Variants in GALNT13 observed in about 807,000 individuals in gnomAD.
GALNT13 encodes the protein UDP-GalNAc:polypeptide N-acetylgalactosaminyltransferase 13.
In GALNT13, 28 loss-of-function variants were observed where a neutral mutation model predicts 64.2. That is an observed-to-expected ratio of 0.44 (90% confidence interval 0.32 to 0.60). GALNT13 has a LOEUF of 0.60. GALNT13 is among the 20% of genes least tolerant of loss of function. The pLI is 0.05. For synonymous variants in GALNT13, 214 were observed against 224.6 expected (o/e 0.95, Z 0.42); for missense variants, 577 against 669.8 (o/e 0.86, Z 1.53).
At chr2:154,317,565 A>G (rs1444162822) in intron 9 of GALNT13, among the ~76,000 whole-genome samples, 1 of 152,184 alleles carries the variant, frequency 6.6e-6, no homozygotes, top group Non-Finnish European at 1.5e-5. Context: ...ATTTTTTCTA[A>G]TAGACTATAT....
chr2:153,873,780 A>C (rs1686157452), intron 1 of GALNT13, among the ~76,000 whole-genome samples: 1 of 151,980 alleles, frequency 6.6e-6, no homozygotes, highest in Non-Finnish European at 1.5e-5. Context: ...TTTCAGCTTT[A>C]TGTGAAAGCT....
the GALNT13 span, among the ~76,000 whole-genome samples, chr2:153,659,306 C>CA: frequency 6.6e-6 from 1 of 151,814 alleles, no homozygotes; most frequent in African/African-American, 2.4e-5. Flanking sequence ...ATTGCATATC[C>CA]CCCCCATCCC....
At chr2:153,210,963 C>A in the GALNT13 span, among the ~76,000 whole-genome samples, 5 of 151,992 alleles carry the variant, frequency 3.3e-5, no homozygotes, top group Non-Finnish European at 7.4e-5. Context: ...ATATTTTGAA[C>A]CTATGCTGTA....
chr2:154,455,930 A>C (rs1317904708), downstream of GALNT13, among the ~76,000 whole-genome samples: 1 of 152,180 alleles, frequency 6.6e-6, no homozygotes, highest in Non-Finnish European at 1.5e-5. Context: ...AGGGAGAACA[A>C]ATCACTCAAT....
At chr2:154,169,618 A>T (rs540880177) in intron 4 of GALNT13, among the ~76,000 whole-genome samples, 1 of 152,254 alleles carries the variant, frequency 6.6e-6, no homozygotes, top group East Asian at 1.9e-4. Context: ...CAATCCTTGG[A>T]TACAGGCTGC....
the GALNT13 span, among the ~76,000 whole-genome samples, chr2:153,132,450 A>C: frequency 3.0e-3 from 463 of 152,344 alleles, 2 homozygotes; most frequent in African/African-American, 0.011. Flanking sequence ...CAGAAAAAGT[A>C]ATAGAGACTA....
At chr2:153,589,748 T>C in the GALNT13 span, among the ~76,000 whole-genome samples, 3 of 152,120 alleles carry the variant, frequency 2.0e-5, no homozygotes, top group Non-Finnish European at 4.4e-5. Flanking sequence ...AAGCATCACA[T>C]TTTGTGAGAC....
chr2:153,570,838 C>T, the GALNT13 span, among the ~76,000 whole-genome samples: 7 of 152,026 alleles, frequency 4.6e-5, no homozygotes. Context: ...ATGACAGTAT[C>T]ATGTTGTTTT....
chr2:154,122,402 A>G (rs1574543958), intron 3 of GALNT13, among the ~76,000 whole-genome samples: 1 of 151,780 alleles, frequency 6.6e-6, no homozygotes, highest in East Asian at 1.9e-4. Context: ...TTTTTGTACT[A>G]TTTTTTCTGG....
the GALNT13 span, among the ~76,000 whole-genome samples, chr2:153,326,069 C>G: frequency 6.6e-6 from 1 of 151,846 alleles, no homozygotes; most frequent in Non-Finnish European, 1.5e-5. Context: ...TTTCTGTCTC[C>G]TTGATCTGTC....
At chr2:153,335,401 A>G in the GALNT13 span, among the ~76,000 whole-genome samples, 1 of 152,190 alleles carries the variant, frequency 6.6e-6, no homozygotes, top group Admixed American at 6.5e-5. Context: ...CCAAAATTCT[A>G]TGGTGATATG....
the GALNT13 span, among the ~76,000 whole-genome samples, chr2:153,598,060 T>C: frequency 6.6e-6 from 1 of 152,086 alleles, no homozygotes; most frequent in African/African-American, 2.4e-5. Context: ...TTTATAAATA[T>C]GAAGTATAAA....
the GALNT13 span, among the ~76,000 whole-genome samples, chr2:153,643,583 C>T: frequency 6.6e-6 from 1 of 151,332 alleles, no homozygotes; most frequent in African/African-American, 2.4e-5. Flanking sequence ...AATTTCCATA[C>T]TATAAAAAAA....
chr2:153,478,571 G>A, the GALNT13 span: 1 of 1,556,244 alleles, frequency 6.4e-7, no homozygotes, highest in Non-Finnish European at 8.7e-7. Context: ...TTCATCGCAG[G>A]AACGGGCGGG....
the GALNT13 span, among the ~76,000 whole-genome samples, chr2:153,509,372 G>C: frequency 2.9e-3 from 448 of 152,334 alleles, 16 homozygotes; most frequent in East Asian, 0.081. Flanking sequence ...CGCAGACCTG[G>C]CGGAGCCTCC....
chr2:154,253,470 C>T (rs1302958396), intron 7 of GALNT13, among the ~76,000 whole-genome samples: 1 of 152,102 alleles, frequency 6.6e-6, no homozygotes, highest in Non-Finnish European at 1.5e-5. Flanking sequence ...TACTATTTTA[C>T]ATAGTTACAA....
chr2:154,142,608 TC>T, intron 4 of GALNT13, among the ~76,000 whole-genome samples: 1 of 150,958 alleles, frequency 6.6e-6, no homozygotes, highest in African/African-American at 2.4e-5. Flanking sequence ...CTGTTGAGAT[TC>T]CAGGGCTTGT....
At chr2:153,096,351 G>A in the GALNT13 span, among the ~76,000 whole-genome samples, 2 of 151,958 alleles carry the variant, frequency 1.3e-5, no homozygotes, top group Admixed American at 6.6e-5. Flanking sequence ...ACAGCCATTC[G>A]ATAAAATGTT....
chr2:154,165,400 C>A (rs1367886180), intron 4 of GALNT13, among the ~76,000 whole-genome samples: 1 of 151,934 alleles, frequency 6.6e-6, no homozygotes, highest in African/African-American at 2.4e-5. Flanking sequence ...GTAATTATCA[C>A]CATTTTCAGA....
Sources: allele counts gnomAD v4.1 joint callset (sites outside exome capture counted in the v4.1 genomes callset), GRCh38; gene constraint gnomAD v4.1.1; transcripts MANE v1.5; gene names NCBI Gene and HGNC (gene_info 2026-07-23, HGNC 2026-07-21).